MFSD1: variants seen among roughly 807,000 people sequenced by gnomAD.
MFSD1 encodes the protein major facilitator superfamily domain containing 1.
MFSD1 carries 59 observed loss-of-function variants against 67.1 expected under a neutral mutation model. That is an observed-to-expected ratio of 0.88 (90% CI 0.71 to 1.09). MFSD1 has a LOEUF of 1.09. MFSD1 is among the 50% of genes least tolerant of loss of function. The pLI is 0.00. For missense variants in MFSD1, 552 were observed against 566.1 expected (o/e 0.97, Z 0.25); for synonymous variants, 213 against 200.3 (o/e 1.06, Z -0.54).
In MFSD1 at chr3:158,820,252, C is replaced by CT; in HGVS notation, c.791dup (p.Leu264PhefsTer43). 1 of 1,611,414 alleles carries CT rather than the reference C, an allele frequency of 6.2e-7. No individual in the cohort carries two copies. The highest frequency in any genetic ancestry group is 2.2e-5 in the East Asian group (1 of 44,766). ...AATTAACTGATGTAAAGGACTTCTC[C>CT]TTACCCCTGTGGCTTATATTTATCA... On this transcript the variant is annotated frameshift_variant, in exon 9 of 16. Coordinates refer to ENST00000415822, the MANE Select transcript of MFSD1 (RefSeq NM_022736.4). LOFTEE classifies it high-confidence loss of function.
In MFSD1 at chr3:158,814,051, G is replaced by A. The variant is rs1472464922; in HGVS notation, c.636G>A (p.Gly212=). ...GTTCTGCTGGTCACACAACCCTCGGGATCACACTTATGATTGGTGAGTGAA... is the reference window on the plus strand; with the variant it reads ...GTTCTGCTGGTCACACAACCCTCGGAATCACACTTATGATTGGTGAGTGAA... ...LLGSAGHTTL[G]ITLMIGGITC... The change falls in exon 7 of 16, where the codon GGG becomes GGA. Residue 212 remains glycine (G), a synonymous_variant. Coordinates refer to ENST00000415822, the MANE Select transcript of MFSD1 (RefSeq NM_022736.4). 3.7e-6 allele frequency: 6 copies of A among 1,613,234 alleles called. No homozygotes were observed. The highest frequency in any genetic ancestry group is 5.1e-6 in the Non-Finnish European group (6 of 1,179,536).
intron 7 of MFSD1, among the ~76,000 whole-genome samples, chr3:158,819,334 A>C (rs1730547131): frequency 6.6e-6 from 1 of 152,258 alleles, no homozygotes; most frequent in African/African-American, 2.4e-5. Context: ...GGACTACATC[A>C]GTAGCTGCTC....
intron 3 of MFSD1, 30 bp downstream of exon 3, chr3:158,805,504 C>G: frequency 2.0e-6 from 3 of 1,464,440 alleles, no homozygotes; most frequent in East Asian, 2.3e-5. Context: ...ATGGGTAAAT[C>G]TTACCTGATT....
At position 158,827,352 on chromosome 3, in the gene MFSD1, G is replaced by A. The variant is rs1011209835; in HGVS notation, c.1394+15G>A. The A allele has an allele frequency of 2.1e-6, 3 of 1,429,296 alleles. No individual in the cohort carries two copies. Among genetic ancestry groups the A allele is most frequent in the Middle Eastern group, 1.8e-4 (1 of 5,544 alleles). The allele number at this position is 1,429,296 out of a possible 1,614,324, so 88.5% of individuals were successfully genotyped here. A position where few individuals can be genotyped will look rare whatever the true frequency, so the allele number is the denominator to read the frequency against. On this transcript the variant is annotated intron_variant, in intron 15 of 15. Coordinates refer to ENST00000415822, the MANE Select transcript of MFSD1 (RefSeq NM_022736.4). ...TCCCATACTGAGTAAGTATTAAAAG[G>A]GTAAAAAGTTGTCTTTATTTTTGAA...
At chr3:158,824,046 A>C (rs1006804391) in intron 12 of MFSD1, 78 bp from the exon 13 acceptor site, 5 of 942,110 alleles carry the variant, frequency 5.3e-6, no homozygotes, top group Non-Finnish European at 8.4e-6. Context: ...CACAGATACT[A>C]ATATTTATAG....
chr3:158,826,718 A>G (rs1455337386), intron 14 of MFSD1, among the ~76,000 whole-genome samples: 2 of 149,566 alleles, frequency 1.3e-5, no homozygotes, highest in Non-Finnish European at 3.0e-5. Context: ...CCCAGGCTGG[A>G]GTGCAGTGGT....
At position 158,802,162 on chromosome 3, in the gene MFSD1, G is replaced by C. The variant is rs745583986; in HGVS notation, c.10G>C (p.Glu4Gln). ...GTCTCCTGCGGGCGCAATGGAGGAG[G>C]AGGATGAGGAAGCGCGGGCGCTCCT... is the stretch of plus-strand genomic sequence containing the variant. MEE[E>Q]DEEARALLAG... Residue 4 changes from glutamate to glutamine, a missense_variant, in exon 1 of 16, where the codon GAG becomes CAG. Coordinates refer to ENST00000415822, the MANE Select transcript of MFSD1 (RefSeq NM_022736.4). The C allele has an allele frequency of 3.7e-5, 59 of 1,612,616 alleles. No individual in the cohort carries two copies. The highest frequency in any genetic ancestry group is 4.9e-5 in the Non-Finnish European group (58 of 1,179,710).
rs200846082 is a variant in MFSD1 at position 158,824,157 on chromosome 3, C to G, written c.1209C>G (p.Ile403Met). The change falls in exon 13 of 16, where the codon ATC (isoleucine) becomes ATG (methionine). Residue 403 changes from isoleucine (I) to methionine (M), a missense_variant. Transcript: ENST00000415822. ...MQSIQNLGLA[I>M]ISIIAGMILD... ...CCATTCAGAATCTTGGGTTGGCCATCATTTCCATCATTGCTGGTATGATAC... is the reference window on the plus strand; with the variant it reads ...CCATTCAGAATCTTGGGTTGGCCATGATTTCCATCATTGCTGGTATGATAC... The G allele has an allele frequency of 5.1e-5, 82 of 1,612,392 alleles. No homozygotes were observed. Among genetic ancestry groups the G allele is most frequent in the Non-Finnish European group, 4.9e-5 (58 of 1,179,634 alleles).
intron 15 of MFSD1, among the ~76,000 whole-genome samples, chr3:158,828,435 G>A (rs1489909781): frequency 6.6e-6 from 1 of 151,910 alleles, no homozygotes; most frequent in Non-Finnish European, 1.5e-5. Context: ...AAAATAATCA[G>A]AAGTATGAGT....
intron 7 of MFSD1, among the ~76,000 whole-genome samples, chr3:158,814,655 T>C (rs2108217940): frequency 6.6e-6 from 1 of 152,246 alleles, no homozygotes; most frequent in South Asian, 2.1e-4. Flanking sequence ...TTGCATCTCA[T>C]ACATACAAAG....
At chr3:158,810,626 T>C (rs542539543) in intron 6 of MFSD1, among the ~76,000 whole-genome samples, 84 of 152,336 alleles carry the variant, frequency 5.5e-4, no homozygotes, top group Non-Finnish European at 9.0e-4. Context: ...AATGGAATTA[T>C]TAAGTCAGGG....
intron 15 of MFSD1, 137 bp downstream of exon 15, chr3:158,827,474 G>C: frequency 2.0e-6 from 1 of 505,838 alleles, no homozygotes; most frequent in Non-Finnish European, 3.4e-6. Flanking sequence ...GAGTGTAGTG[G>C]CATGGTCACA....
chr3:158,825,973 A>G, intron 13 of MFSD1, 42 bp from the exon 14 acceptor site: 1 of 1,503,020 alleles, frequency 6.7e-7, no homozygotes, highest in African/African-American at 1.4e-5. Context: ...ATCATTGAGA[A>G]GAAATACATA....
Position 158,802,259 on chromosome 3 carries a change from C to T in MFSD1, c.107C>T (p.Pro36Leu), listed in dbSNP as rs371265696. The change falls in exon 1 of 16, where the codon CCC becomes CTC. Residue 36 changes from proline (P) to leucine (L), a missense_variant. Coordinates refer to ENST00000415822, the MANE Select transcript of MFSD1 (RefSeq NM_022736.4). ...GGAGCCCTGCCGGCCCTCTGCGACCCCAGTCGCCTGGCGCACCGGCTTTTG... is the reference window on the plus strand; with the variant it reads ...GGAGCCCTGCCGGCCCTCTGCGACCTCAGTCGCCTGGCGCACCGGCTTTTG... The part of the protein sequence containing the change: ...APGALPALCD[P>L]SRLAHRLLVL... 4 of 1,611,414 alleles carry T rather than the reference C, an allele frequency of 2.5e-6. No individual in the cohort carries two copies. The highest frequency in any genetic ancestry group is 1.3e-5 in the African/African-American group (1 of 74,806).
Position 158,827,279 on chromosome 3 carries a change from G to A in MFSD1, c.1337-1G>A. 6.5e-7 allele frequency: 1 copy of A among 1,548,106 alleles called. No homozygotes were observed. Among genetic ancestry groups the A allele is most frequent in the Non-Finnish European group, 8.7e-7 (1 of 1,147,370 alleles). On this transcript the variant is annotated splice_acceptor_variant, in intron 14 of 15. Coordinates refer to ENST00000415822, the MANE Select transcript of MFSD1 (RefSeq NM_022736.4). LOFTEE classifies it high-confidence loss of function. ...AAGATCTATGTTTATTTGTGTTTTA[G>A]GTGGGAACCTAAATTATTCTGCAAG...
At chr3:158,808,257 CAG>C (rs1239794897) in intron 5 of MFSD1, among the ~76,000 whole-genome samples, 1 of 152,172 alleles carries the variant, frequency 6.6e-6, no homozygotes, top group African/African-American at 2.4e-5. Context: ...TGGGCTAGGA[CAG>C]AGTCACAAGA....
At chr3:158,807,790 G>A (rs1301946566) in intron 5 of MFSD1, among the ~76,000 whole-genome samples, 2 of 152,188 alleles carry the variant, frequency 1.3e-5, no homozygotes, top group African/African-American at 2.4e-5. Flanking sequence ...CGATTTCTAG[G>A]TTGGTGACTG....
chr3:158,814,070 G>T lies in MFSD1; in HGVS notation c.652+3G>T. 6.2e-7 allele frequency: 1 copy of T among 1,607,878 alleles called. No homozygotes were observed. The highest frequency in any genetic ancestry group is 8.5e-7 in the Non-Finnish European group (1 of 1,174,796). On this transcript the variant is annotated splice_donor_region_variant and intron_variant, in intron 7 of 15. Coordinates refer to ENST00000415822, the MANE Select transcript of MFSD1 (RefSeq NM_022736.4). ...CCTCGGGATCACACTTATGATTGGT[G>T]AGTGAATCCCATGTCCCACATCTCT...
intron 14 of MFSD1, 32 bp from the exon 15 acceptor site, chr3:158,827,248 A>G: frequency 7.2e-7 from 1 of 1,380,052 alleles, no homozygotes; most frequent in Non-Finnish European, 1.0e-6. Context: ...TAATACTTAT[A>G]TGGAAAAGAT....
Sources: allele counts gnomAD v4.1 joint callset (sites outside exome capture counted in the v4.1 genomes callset), GRCh38; gene constraint gnomAD v4.1.1; transcripts MANE v1.5; gene names NCBI Gene and HGNC (gene_info 2026-07-23, HGNC 2026-07-21).